The following MAP3K3 variants were observed in gnomAD, a reference collection of about 807,000 sequenced individuals.
The protein encoded by MAP3K3 is MAP/ERK kinase kinase 3.
Under a neutral mutation model 80.9 loss-of-function variants are expected in MAP3K3, and 12 were observed. That is an observed-to-expected ratio of 0.15 (90% confidence interval 0.10 to 0.24). The LOEUF (loss-of-function observed/expected upper bound fraction) is 0.24. Among genes scored for constraint, MAP3K3 ranks in the 10% least tolerant of loss-of-function variants. The pLI is 1.00. For synonymous variants in MAP3K3, 272 were observed against 307.1 expected, an observed-to-expected ratio of 0.89 and a Z score of 1.19; for missense variants, 596 against 834.7, an observed-to-expected ratio of 0.71 and a Z score of 3.52.
chr17:63,690,115 T>G, intron 11 of MAP3K3, 149 bp from the exon 12 acceptor site: 1 of 882,462 alleles, frequency 1.1e-6, no homozygotes, highest in Non-Finnish European at 1.7e-6. Flanking sequence ...GCACTGGGCT[T>G]GCTCCAGATT....
At chr17:63,690,055 A>C in intron 11 of MAP3K3, 1 of 612,726 alleles carries the variant, frequency 1.6e-6, no homozygotes, top group Non-Finnish European at 2.8e-6. Flanking sequence ...CCATGACTTC[A>C]GCCAATCCTC....
chr17:63,679,174 G>A (rs2035279597), intron 6 of MAP3K3, among the ~76,000 whole-genome samples: 1 of 152,182 alleles, frequency 6.6e-6, no homozygotes, highest in Non-Finnish European at 1.5e-5. Context: ...GCCAAGGCTT[G>A]AGACCAGCCT....
At chr17:63,650,283 A>G (rs2034622689) in intron 3 of MAP3K3, among the ~76,000 whole-genome samples, 1 of 152,082 alleles carries the variant, frequency 6.6e-6, no homozygotes, top group Admixed American at 6.6e-5. Flanking sequence ...TTGATGGCTT[A>G]TTTTGCAATC....
chr17:63,687,364 A>G (rs2035476176), intron 8 of MAP3K3, among the ~76,000 whole-genome samples: 1 of 151,072 alleles, frequency 6.6e-6, no homozygotes, highest in South Asian at 2.1e-4. Context: ...AAAAAAAAAA[A>G]TAGCTGGGCG....
chr17:63,692,761 C>T lies in MAP3K3; in HGVS notation c.1652+342C>T, dbSNP rs1396691860. Among the ~76,000 whole-genome samples, 1 of 152,230 alleles carries T rather than the reference C, an allele frequency of 6.6e-6. No individual in the cohort carries two copies. Among genetic ancestry groups the T allele is most frequent in the Non-Finnish European group, 1.5e-5 (1 of 68,040 alleles). The stretch of plus-strand genomic sequence containing the variant: ...TTCTCCTAGCACTCAAGACAGTTTG[C>T]ACTTGCTCGACATAACCTTGTGTCT... On this transcript the variant is annotated intron_variant, in intron 15 of 15. Coordinates refer to ENST00000361733, the MANE Select transcript of MAP3K3 (RefSeq NM_002401.5). The surrounding 1 kb of genome is among the most constrained non-coding windows in gnomAD (Gnocchi z 4.5).
rs752897281 is a variant in MAP3K3, at chr17:63,646,089, TGA to T, written c.167+16_167+17del. ...GGGGAGAGGCGGTAAGTCTGCCTTC[TGA>T]TGAGTAGCTGTGTTCATGTATGCCA... is the stretch of plus-strand genomic sequence containing the variant. On this transcript the variant is annotated intron_variant, in intron 3 of 15. Coordinates refer to ENST00000361733, the MANE Select transcript of MAP3K3 (RefSeq NM_002401.5). The T allele has an allele frequency of 6.2e-7, 1 of 1,613,120 alleles. No homozygotes were observed. The highest frequency in any genetic ancestry group is 8.5e-7 in the Non-Finnish European group (1 of 1,179,138).
At chr17:63,644,385 T>G (rs1331880877) in intron 2 of MAP3K3, among the ~76,000 whole-genome samples, 5 of 152,074 alleles carry the variant, frequency 3.3e-5, no homozygotes, top group African/African-American at 1.2e-4. Context: ...CGGCACACTT[T>G]TTGTATTTTA....
chr17:63,645,956 G>GC, intron 2 of MAP3K3, 78 bp from the exon 3 acceptor site: 1 of 1,172,666 alleles, frequency 8.5e-7, no homozygotes, highest in South Asian at 1.2e-5. Flanking sequence ...CTAACGAACT[G>GC]CCCAAGGCTT....
chr17:63,684,546 C>T (rs1213221950), intron 7 of MAP3K3, among the ~76,000 whole-genome samples: 2 of 152,048 alleles, frequency 1.3e-5, no homozygotes, highest in Non-Finnish European at 2.9e-5. Context: ...GGGATGGACC[C>T]TGGTATTAAA....
chr17:63,642,676 T>A (rs1011789749), intron 2 of MAP3K3, among the ~76,000 whole-genome samples: 3 of 151,944 alleles, frequency 2.0e-5, no homozygotes, highest in African/African-American at 4.8e-5. Flanking sequence ...AAAAAATAAA[T>A]AAAATGTTGT....
Position 63,694,934 on chromosome 17 carries a change from G to C in MAP3K3, c.*1157G>C, listed in dbSNP as rs1326715425. 1 of 153,504 alleles carries C rather than the reference G, an allele frequency of 6.5e-6. No homozygotes were observed. Among genetic ancestry groups the C allele is most frequent in the East Asian group, 1.9e-4 (1 of 5,236 alleles). The allele number at this position is 153,504 out of a possible 1,614,324, so 9.5% of individuals were successfully genotyped here. On this transcript the variant is annotated 3_prime_UTR_variant, in exon 16 of 16. Transcript: ENST00000361733. ...CCCTGGAGGGGGAATGGCAGCAGGG[G>C]TTGGGGAAACAGCATCTCCAAGCAG...
At chr17:63,685,749 G>A (rs892415665) in intron 8 of MAP3K3, among the ~76,000 whole-genome samples, 159 bp downstream of exon 8, 6 of 152,146 alleles carry the variant, frequency 3.9e-5, no homozygotes, top group African/African-American at 1.4e-4. Context: ...ATGTTATGAT[G>A]GCATAATTAA....
intron 6 of MAP3K3, among the ~76,000 whole-genome samples, chr17:63,678,887 G>A (rs2035274282): frequency 6.6e-6 from 1 of 152,130 alleles, no homozygotes; most frequent in East Asian, 1.9e-4. Flanking sequence ...AGAATTAGCT[G>A]GGTATGGTGA....
Position 63,689,772 on chromosome 17 carries a change from G to C in MAP3K3, c.1063+37G>C, listed in dbSNP as rs1201458418. 6.4e-7 allele frequency: 1 copy of C among 1,572,032 alleles called. No individual in the cohort carries two copies. The highest frequency in any genetic ancestry group is 8.7e-7 in the Non-Finnish European group (1 of 1,154,602). On this transcript the variant is annotated intron_variant, in intron 11 of 15. Coordinates refer to ENST00000361733, the MANE Select transcript of MAP3K3 (RefSeq NM_002401.5). The surrounding 1 kb of genome is among the most constrained non-coding windows in gnomAD (Gnocchi z 4.3). Reference sequence around the variant, plus strand: ...TCCCTGGCTAGGAGGAGACTGCCCAGGTGGTCTCAGACAAGCTACGGGGGC... The same window carrying C: ...TCCCTGGCTAGGAGGAGACTGCCCACGTGGTCTCAGACAAGCTACGGGGGC...
At chr17:63,631,359 CTGT>C (rs1455580480) in intron 1 of MAP3K3, among the ~76,000 whole-genome samples, 3 of 152,178 alleles carry the variant, frequency 2.0e-5, no homozygotes, top group African/African-American at 7.2e-5. Flanking sequence ...ACATTTCATG[CTGT>C]TCGTTTCTTT....
At chr17:63,634,725 G>A (rs200168836) in intron 2 of MAP3K3, 2 of 1,612,998 alleles carry the variant, frequency 1.2e-6, no homozygotes, top group Non-Finnish European at 1.7e-6. Flanking sequence ...CACAACAGCA[G>A]CAGCTCAGCC....
At chr17:63,660,326 C>T (rs2034861874) in intron 5 of MAP3K3, among the ~76,000 whole-genome samples, 1 of 151,988 alleles carries the variant, frequency 6.6e-6, no homozygotes, top group Non-Finnish European at 1.5e-5. Flanking sequence ...ATCTCAGCCT[C>T]ACAAGTAACT....
rs1407196623 is a variant in MAP3K3 at position 63,622,599 on chromosome 17, G to A, written c.-161G>A. ...CAGCGCCCGGCCGCGGGCGGAGCCG[G>A]AGCCGGAGCCTGGGGAGGCGGCGGG... On this transcript the variant is annotated 5_prime_UTR_variant, in exon 1 of 16. Coordinates refer to ENST00000361733, the MANE Select transcript of MAP3K3 (RefSeq NM_002401.5). 2 of 159,688 alleles carry A rather than the reference G, an allele frequency of 1.3e-5. No homozygotes were observed. The highest frequency in any genetic ancestry group is 4.9e-5 in the African/African-American group (2 of 41,078). The allele number at this position is 159,688 out of a possible 1,614,324, so 9.9% of individuals were successfully genotyped here.
At position 63,688,858 on chromosome 17, in the gene MAP3K3, T is replaced by C. The variant is rs370717303; in HGVS notation, c.848T>C (p.Val283Ala). 1.4e-5 allele frequency: 23 copies of C among 1,614,034 alleles called. No individual in the cohort carries two copies. The highest frequency in any genetic ancestry group is 1.9e-5 in the Non-Finnish European group (23 of 1,179,904). The stretch of plus-strand genomic sequence containing the variant: ...TACCCCCGGCGCTACCACGTGTCTG[T>C]GCACCACAAGGACTACAGTGATGGT... ...GTYPRRYHVS[V>A]HHKDYSDGRR... The change falls in exon 10 of 16, where the codon GTG becomes GCG. Residue 283 changes from valine (V) to alanine (A), a missense_variant. By Grantham distance (64) the Val-to-Ala change is moderately conservative (BLOSUM62 0). Transcript: ENST00000361733.
Sources: allele counts gnomAD v4.1 joint callset (sites outside exome capture counted in the v4.1 genomes callset), GRCh38; gene constraint gnomAD v4.1.1; non-coding constraint Gnocchi (gnomAD v3.1); transcripts MANE v1.5; gene names NCBI Gene and HGNC (gene_info 2026-07-23, HGNC 2026-07-21).